Variants in MYO1B observed in about 807,000 individuals in gnomAD.
The protein encoded by MYO1B is myosin IB.
A neutral mutation model predicts 159.7 loss-of-function variants in MYO1B; 72 were observed. That is an observed-to-expected ratio of 0.45 (90% CI 0.37 to 0.55). MYO1B has a LOEUF of 0.55. Ranked by LOEUF, MYO1B falls within the 20% of genes least tolerant of loss-of-function variation. MYO1B has a pLI of 0.00. For missense variants in MYO1B, 1,062 were observed against 1,364.8 expected (o/e 0.78, Z 3.50); for synonymous variants, 468 against 473.8 (o/e 0.99, Z 0.16).
chr2:191,397,099 GT>G (rs1160382543), intron 21 of MYO1B, among the ~76,000 whole-genome samples: 4 of 22,942 alleles, frequency 1.7e-4, no homozygotes, highest in Non-Finnish European at 5.5e-4. Context: ...TTTAACCGTT[GT>G]TTTTAAAAAA....
At chr2:191,390,175 C>A in intron 17 of MYO1B, 117 bp from the exon 18 acceptor site, 1 of 956,810 alleles carries the variant, frequency 1.0e-6, no homozygotes. Context: ...GACTAGGTTT[C>A]TTAAGAATAA....
chr2:191,390,891 T>A (rs1695707037), intron 18 of MYO1B, among the ~76,000 whole-genome samples: 1 of 152,248 alleles, frequency 6.6e-6, no homozygotes, highest in South Asian at 2.1e-4. Flanking sequence ...TTTGCCTATA[T>A]CTATACCAGT....
At chr2:191,277,596 C>G (rs1687829092) in intron 2 of MYO1B, among the ~76,000 whole-genome samples, 2 of 152,116 alleles carry the variant, frequency 1.3e-5, no homozygotes, top group African/African-American at 2.4e-5. Flanking sequence ...AGAAAATTTC[C>G]TGTTGTAAAA....
chr2:191,368,076 G>A (rs1462284783), intron 11 of MYO1B, among the ~76,000 whole-genome samples: 4 of 152,196 alleles, frequency 2.6e-5, no homozygotes, highest in African/African-American at 7.2e-5. Flanking sequence ...GGAGTAGGGA[G>A]GGAGGTTTGG....
chr2:191,276,058 G>A (rs1687733092), intron 1 of MYO1B, among the ~76,000 whole-genome samples: 1 of 152,164 alleles, frequency 6.6e-6, no homozygotes. Flanking sequence ...TGAACCAAAG[G>A]GAAACTGTAG....
At chr2:191,355,870 G>A (rs1388814943) in intron 7 of MYO1B, among the ~76,000 whole-genome samples, 1 of 152,168 alleles carries the variant, frequency 6.6e-6, no homozygotes, top group Non-Finnish European at 1.5e-5. Context: ...TGGAGATGGA[G>A]GATGGAACAG....
At chr2:191,338,668 T>G (rs1198499701) in intron 4 of MYO1B, among the ~76,000 whole-genome samples, 3 of 152,232 alleles carry the variant, frequency 2.0e-5, no homozygotes, top group Non-Finnish European at 2.9e-5. Flanking sequence ...CTAAAGCAGT[T>G]GTCCTCTAAG....
At chr2:191,255,571 G>A (rs1293798407) in intron 1 of MYO1B, among the ~76,000 whole-genome samples, 3 of 152,108 alleles carry the variant, frequency 2.0e-5, no homozygotes, top group Non-Finnish European at 4.4e-5. Context: ...CACAAAGATG[G>A]GAATTTTAGT....
intron 7 of MYO1B, among the ~76,000 whole-genome samples, chr2:191,353,246 C>T (rs1416615601): frequency 6.6e-6 from 1 of 151,948 alleles, no homozygotes; most frequent in African/African-American, 2.4e-5. Context: ...TAATATTTCT[C>T]CTAGTTTGTT....
At chr2:191,299,804 T>C (rs1348999739) in intron 3 of MYO1B, among the ~76,000 whole-genome samples, 1 of 152,186 alleles carries the variant, frequency 6.6e-6, no homozygotes, top group African/African-American at 2.4e-5. Flanking sequence ...GGGAAAAGAA[T>C]TATTAATTAA....
chr2:191,395,297 C>T (rs1696002308), intron 20 of MYO1B, among the ~76,000 whole-genome samples: 1 of 152,152 alleles, frequency 6.6e-6, no homozygotes, highest in Admixed American at 6.5e-5. Context: ...AACTGAGGCC[C>T]AGAGAAGGTG....
At chr2:191,341,142 G>T (rs1372392929) in intron 4 of MYO1B, among the ~76,000 whole-genome samples, 6 of 152,036 alleles carry the variant, frequency 3.9e-5, no homozygotes, top group Non-Finnish European at 8.8e-5. Context: ...TGGCTTATCA[G>T]TATATAATAT....
At chr2:191,401,531 G>C (rs960714612) in intron 23 of MYO1B, 13 of 152,124 alleles carry the variant, frequency 8.5e-5, no homozygotes, top group South Asian at 2.1e-4. Context: ...CATACCCCAA[G>C]GGACAAGATT....
intron 1 of MYO1B, among the ~76,000 whole-genome samples, chr2:191,254,889 C>G (rs1236476090): frequency 6.6e-6 from 1 of 152,022 alleles, no homozygotes; most frequent in African/African-American, 2.4e-5. Context: ...GTTTAGGTGC[C>G]TAGTATGTTT....
intron 3 of MYO1B, among the ~76,000 whole-genome samples, chr2:191,318,937 C>G (rs1690527713): frequency 6.6e-6 from 1 of 152,158 alleles, no homozygotes; most frequent in East Asian, 1.9e-4. Flanking sequence ...TAGTCACTCC[C>G]TGCCTAAAGT....
intron 24 of MYO1B, among the ~76,000 whole-genome samples, chr2:191,405,568 C>G (rs1696866963): frequency 6.6e-6 from 1 of 152,206 alleles, no homozygotes; most frequent in Non-Finnish European, 1.5e-5. Flanking sequence ...GGGAATTACT[C>G]CTTGATCCAT....
At chr2:191,412,820 CT>C (rs1300382416) in intron 27 of MYO1B, among the ~76,000 whole-genome samples, 2 of 136,976 alleles carry the variant, frequency 1.5e-5, no homozygotes, top group African/African-American at 5.0e-5. Context: ...TACAGTTAAC[CT>C]TTTACAAAAA....
intron 30 of MYO1B, among the ~76,000 whole-genome samples, chr2:191,421,141 C>T (rs1697910934): frequency 6.7e-6 from 1 of 150,274 alleles, no homozygotes; most frequent in Non-Finnish European, 1.5e-5. Context: ...GAGATCTCGG[C>T]TCACTGCAAC....
intron 2 of MYO1B, among the ~76,000 whole-genome samples, chr2:191,279,312 C>T (rs10497713): frequency 0.39 from 59,853 of 151,820 alleles, 11,891 homozygotes; most frequent in Middle Eastern, 0.53. Flanking sequence ...TAAAGTAATG[C>T]GTATAGTATG....
Sources: gnomAD v4.1 joint callset for allele counts (sites outside exome capture counted in the v4.1 genomes callset) on GRCh38, gnomAD v4.1.1 for gene constraint, MANE v1.5 for transcripts, NCBI Gene and HGNC (gene_info 2026-07-23, HGNC 2026-07-21) for gene names.